The following RHOU variants were observed in gnomAD, a reference collection of about 807,000 sequenced individuals.
RHOU encodes ras homolog family member U, also known as rho-related GTP-binding protein RhoU.
In RHOU, 8 loss-of-function variants were observed where a neutral mutation model predicts 12.6. The ratio of observed to expected loss-of-function variants is 0.64; its 90% CI spans 0.37 to 1.15. The LOEUF is 1.15. RHOU is among the 50% of genes most tolerant of loss of function. The pLI, the probability that RHOU is intolerant of heterozygous loss-of-function variation, is 0.01. For synonymous variants in RHOU, 161 were observed against 147.4 expected (o/e 1.09, Z -0.67); for missense variants, 258 against 347.0 (o/e 0.74, Z 2.04).
chr1:228,660,271 C>A, the RHOU span, among the ~76,000 whole-genome samples: 1 of 149,720 alleles, frequency 6.7e-6, no homozygotes, highest in Non-Finnish European at 1.5e-5. Flanking sequence ...AAGACTGAAT[C>A]ATGAAGAAAT....
the RHOU span, among the ~76,000 whole-genome samples, chr1:228,658,535 G>T: frequency 6.6e-6 from 1 of 152,094 alleles, no homozygotes. Context: ...CCTTGATCTT[G>T]GACACCCCAG....
At chr1:228,687,309 G>T in the RHOU span, 2,640 of 635,988 alleles carry the variant, frequency 4.2e-3, 38 homozygotes, top group African/African-American at 0.04. Flanking sequence ...TTTTTTTTTT[G>T]GTTACCAAAT....
At chr1:228,677,903 T>C in the RHOU span, among the ~76,000 whole-genome samples, 1 of 152,142 alleles carries the variant, frequency 6.6e-6, no homozygotes, top group African/African-American at 2.4e-5. Context: ...AAGGCCAAAC[T>C]GAGGAATTAC....
upstream of RHOU, among the ~76,000 whole-genome samples, chr1:228,732,573 T>C (rs945343177): frequency 6.6e-5 from 10 of 152,152 alleles, no homozygotes; most frequent in Admixed American, 6.5e-4. Context: ...ATTTCCTATG[T>C]TGCCTACAGA....
the RHOU span, among the ~76,000 whole-genome samples, chr1:228,648,667 G>T: frequency 6.6e-6 from 1 of 151,972 alleles, no homozygotes; most frequent in African/African-American, 2.4e-5. Flanking sequence ...TGACATACCT[G>T]AATTGTTTCA....
At chr1:228,689,641 C>T in the RHOU span, among the ~76,000 whole-genome samples, 4 of 151,960 alleles carry the variant, frequency 2.6e-5, no homozygotes, top group Non-Finnish European at 5.9e-5. Context: ...AGCATTACCA[C>T]CTGAGCTCCG....
At chr1:228,707,851 A>G in the RHOU span, among the ~76,000 whole-genome samples, 35 of 152,314 alleles carry the variant, frequency 2.3e-4, no homozygotes, top group Non-Finnish European at 3.8e-4. Context: ...CAGACAATCA[A>G]ATTACTCCGA....
At chr1:228,728,607 C>T in the RHOU span, among the ~76,000 whole-genome samples, 1 of 152,106 alleles carries the variant, frequency 6.6e-6, no homozygotes, top group Admixed American at 6.5e-5. Flanking sequence ...TAAGCTAAAG[C>T]AAACAGTTCT....
At chr1:228,711,659 C>G in the RHOU span, among the ~76,000 whole-genome samples, 6,809 of 95,382 alleles carry the variant, frequency 0.071, no homozygotes, top group South Asian at 0.087. Context: ...AAAATTAATT[C>G]AAGATGGGTT....
chr1:228,668,475 C>G, the RHOU span, among the ~76,000 whole-genome samples: 1 of 152,142 alleles, frequency 6.6e-6, no homozygotes, highest in Non-Finnish European at 1.5e-5. Flanking sequence ...CAAGCTAACT[C>G]TTGGTAGATA....
At chr1:228,726,458 G>A in the RHOU span, among the ~76,000 whole-genome samples, 1 of 152,166 alleles carries the variant, frequency 6.6e-6, no homozygotes, top group African/African-American at 2.4e-5. Flanking sequence ...GAGGTCAGGA[G>A]TTCGAGACTC....
the RHOU span, among the ~76,000 whole-genome samples, chr1:228,693,742 A>G: frequency 1.3e-5 from 2 of 152,212 alleles, no homozygotes; most frequent in Admixed American, 6.5e-5. Flanking sequence ...CTGGGATTAC[A>G]GGCATGAGCC....
the RHOU span, among the ~76,000 whole-genome samples, chr1:228,728,310 T>C: frequency 6.6e-6 from 1 of 152,242 alleles, no homozygotes; most frequent in South Asian, 2.1e-4. Context: ...CTCTCCCTGG[T>C]GCTTTCATTT....
chr1:228,676,516 C>A, the RHOU span, among the ~76,000 whole-genome samples: 1 of 152,092 alleles, frequency 6.6e-6, no homozygotes, highest in African/African-American at 2.4e-5. Context: ...TTTTTAGTTT[C>A]TCAATATGTA....
the RHOU span, among the ~76,000 whole-genome samples, chr1:228,676,541 C>A: frequency 1.6e-4 from 25 of 152,118 alleles, no homozygotes; most frequent in Admixed American, 6.6e-5. Flanking sequence ...CTTTTGGACT[C>A]TATCTCTCTC....
At chr1:228,739,004 C>T (rs1662668231) in intron 2 of RHOU, among the ~76,000 whole-genome samples, 1 of 152,004 alleles carries the variant, frequency 6.6e-6, no homozygotes, top group Non-Finnish European at 1.5e-5. Context: ...GTCCCAGCCA[C>T]CAGCCACTCA....
the RHOU span, among the ~76,000 whole-genome samples, chr1:228,719,773 A>T: frequency 1.3e-5 from 2 of 152,040 alleles, no homozygotes; most frequent in African/African-American, 4.8e-5. Context: ...ACAACAAAAA[A>T]AATGATAAAA....
the RHOU span, among the ~76,000 whole-genome samples, chr1:228,675,360 A>G: frequency 1.3e-5 from 2 of 151,808 alleles, no homozygotes; most frequent in African/African-American, 4.8e-5. Flanking sequence ...CTTCTTCTAC[A>G]TTTTTGTAGC....
the RHOU span, chr1:228,650,685 C>T: frequency 6.2e-6 from 3 of 485,558 alleles, no homozygotes; most frequent in Non-Finnish European, 1.2e-5. Context: ...AGTGAGAGAG[C>T]TCTCATCAGC....
Sources: gnomAD v4.1 joint callset for allele counts (sites outside exome capture counted in the v4.1 genomes callset) on GRCh38, gnomAD v4.1.1 for gene constraint, MANE v1.5 for transcripts, NCBI Gene and HGNC (gene_info 2026-07-23, HGNC 2026-07-21) for gene names.